GULP1: variants seen among roughly 807,000 people sequenced by gnomAD.
GULP1 encodes PTB domain-containing engulfment adapter protein 1.
In GULP1, 19 loss-of-function variants were observed where a neutral mutation model predicts 40.9. That is an observed-to-expected ratio of 0.46 (90% CI 0.32 to 0.68). GULP1 has a LOEUF of 0.68. GULP1 is among the 30% of genes least tolerant of loss of function. The pLI, the probability that GULP1 is intolerant of heterozygous loss-of-function variation, is 0.03. For synonymous variants in GULP1, 119 were observed against 117.6 expected, an observed-to-expected ratio of 1.01 and a Z score of -0.08; for missense variants, 312 against 362.2, an observed-to-expected ratio of 0.86 and a Z score of 1.12.
At chr2:188,469,431 G>C (rs2060404404) in intron 2 of GULP1, among the ~76,000 whole-genome samples, 1 of 152,124 alleles carries the variant, frequency 6.6e-6, no homozygotes, top group African/African-American at 2.4e-5. Context: ...ACCTGAAACT[G>C]GGTAAATTAT....
intron 1 of GULP1, among the ~76,000 whole-genome samples, chr2:188,298,927 C>A (rs111454694): frequency 6.6e-6 from 1 of 152,130 alleles, no homozygotes; most frequent in Non-Finnish European, 1.5e-5. Context: ...GTGCCTCTCA[C>A]GGATGGAGCA....
rs527872599 is a variant in GULP1 at position 188,482,531 on chromosome 2, T to C, written c.29-900T>C. Among the ~76,000 whole-genome samples the C allele has an allele frequency of 1.8e-4, 28 of 151,870 alleles. No homozygotes were observed. In the South Asian group the frequency reaches 5.6e-3, roughly 30 times the overall value. On this transcript the variant is annotated intron_variant, in intron 3 of 11. Transcript: ENST00000409830. Reference sequence around the variant, plus strand: ...AATGGAGGCAAAATATCATTGAAGATTGAGAAGTCTTACTCCACATAAGTG... The same window carrying C: ...AATGGAGGCAAAATATCATTGAAGACTGAGAAGTCTTACTCCACATAAGTG...
chr2:188,448,896 G>A (rs1357284510), intron 2 of GULP1, among the ~76,000 whole-genome samples: 1 of 152,168 alleles, frequency 6.6e-6, no homozygotes, highest in Admixed American at 6.5e-5. Flanking sequence ...CATGCAACAT[G>A]CCTGCTCCTG....
At position 188,590,275 on chromosome 2, in the gene GULP1, T is replaced by C. The variant is rs529189484; in HGVS notation, c.843+2326T>C. On this transcript the variant is annotated intron_variant, in intron 11 of 11. Transcript: ENST00000409830. Reference sequence around the variant, plus strand: ...AGGCATGAGCCACCATACTTGGCCATGATTGTTTCTTTTAGTCCAATATTT... The same window carrying C: ...AGGCATGAGCCACCATACTTGGCCACGATTGTTTCTTTTAGTCCAATATTT... 2.0e-5 allele frequency: 3 copies of C among 152,300 alleles called. No individual in the cohort carries two copies. In the East Asian group the frequency reaches 5.8e-4, roughly 29 times the overall value. 9.4% of individuals were successfully genotyped at this position (152,300 alleles called of 1,614,324 possible). A position where few individuals can be genotyped will look rare whatever the true frequency, so the allele number is the denominator to read the frequency against.
At chr2:188,322,998 C>G (rs2040216470) in intron 1 of GULP1, among the ~76,000 whole-genome samples, 2 of 152,188 alleles carry the variant, frequency 1.3e-5, no homozygotes, top group South Asian at 2.1e-4. Flanking sequence ...TCTCATTCCT[C>G]CCCCTACTTG....
chr2:188,498,735 G>A (rs2063139420), intron 4 of GULP1, among the ~76,000 whole-genome samples: 1 of 151,738 alleles, frequency 6.6e-6, no homozygotes, highest in African/African-American at 2.4e-5. Flanking sequence ...GATATTGAAT[G>A]TTCCCAACAC....
At chr2:188,326,513 C>T (rs1425693237) in intron 1 of GULP1, among the ~76,000 whole-genome samples, 1 of 152,042 alleles carries the variant, frequency 6.6e-6, no homozygotes, top group Non-Finnish European at 1.5e-5. Flanking sequence ...AGTAGCCCCC[C>T]AACAAATGAA....
At chr2:188,445,778 T>C (rs1293874397) in intron 2 of GULP1, among the ~76,000 whole-genome samples, 3 of 152,208 alleles carry the variant, frequency 2.0e-5, no homozygotes, top group African/African-American at 7.2e-5. Flanking sequence ...TATTCTGCTA[T>C]TTTCTTTCCA....
At chr2:188,591,251 G>C (rs1003555040) in intron 11 of GULP1, 3 of 152,012 alleles carry the variant, frequency 2.0e-5, no homozygotes, top group Non-Finnish European at 1.5e-5. Flanking sequence ...TAATCTAGCA[G>C]ATTATTTTTT....
intron 1 of GULP1, among the ~76,000 whole-genome samples, chr2:188,337,881 T>G (rs1387972884): frequency 6.6e-6 from 1 of 152,048 alleles, no homozygotes; most frequent in Non-Finnish European, 1.5e-5. Context: ...AGCCTTGAAC[T>G]TGAAAGGAAG....
At chr2:188,559,678 G>T (rs1695748830) in intron 7 of GULP1, among the ~76,000 whole-genome samples, 1 of 152,174 alleles carries the variant, frequency 6.6e-6, no homozygotes, top group Non-Finnish European at 1.5e-5. Context: ...TGTTGGAAAG[G>T]CATGATTGGC....
At chr2:188,574,499 C>T (rs1037782475) in intron 9 of GULP1, among the ~76,000 whole-genome samples, 2 of 152,080 alleles carry the variant, frequency 1.3e-5, no homozygotes, top group Admixed American at 6.6e-5. Context: ...TGGTGCATGC[C>T]TGTAGTCTCA....
chr2:188,324,900 A>G (rs910080601), intron 1 of GULP1, among the ~76,000 whole-genome samples: 10 of 152,052 alleles, frequency 6.6e-5, no homozygotes, highest in African/African-American at 2.4e-4. Flanking sequence ...ATCAAAACAC[A>G]GAAGTCAGAA....
intron 7 of GULP1, among the ~76,000 whole-genome samples, chr2:188,562,926 T>G (rs1172577124): frequency 6.6e-6 from 1 of 151,878 alleles, no homozygotes; most frequent in Non-Finnish European, 1.5e-5. Flanking sequence ...TAAAACACCC[T>G]TTATATAACT....
intron 2 of GULP1, among the ~76,000 whole-genome samples, chr2:188,408,256 T>C (rs1293503030): frequency 6.6e-6 from 1 of 152,170 alleles, no homozygotes; most frequent in African/African-American, 2.4e-5. Context: ...CACCATACTC[T>C]TGGACATCTC....
At chr2:188,326,813 G>A (rs1470291614) in intron 1 of GULP1, among the ~76,000 whole-genome samples, 10 of 152,062 alleles carry the variant, frequency 6.6e-5, no homozygotes, top group Non-Finnish European at 1.3e-4. Flanking sequence ...TCATACTGAT[G>A]ACACTCTTCC....
intron 2 of GULP1, among the ~76,000 whole-genome samples, chr2:188,467,032 T>C (rs2060185559): frequency 6.6e-6 from 1 of 151,838 alleles, no homozygotes; most frequent in Non-Finnish European, 1.5e-5. Context: ...TCAATATTCA[T>C]CCATCAATTA....
chr2:188,350,715 G>A (rs893604116), intron 1 of GULP1, among the ~76,000 whole-genome samples: 5 of 151,522 alleles, frequency 3.3e-5, no homozygotes, highest in African/African-American at 1.2e-4. Context: ...AAGTTTAATT[G>A]TAACAAATTT....
chr2:188,466,493 A>G (rs984440987), intron 2 of GULP1: 5 of 139,498 alleles, frequency 3.6e-5, no homozygotes, highest in Admixed American at 7.5e-5. Flanking sequence ...GGGTTTCACC[A>G]TGTTAACCAG....
Sources: gnomAD v4.1 joint callset for allele counts (sites outside exome capture counted in the v4.1 genomes callset) on GRCh38, gnomAD v4.1.1 for gene constraint, MANE v1.5 for transcripts, NCBI Gene and HGNC (gene_info 2026-07-23, HGNC 2026-07-21) for gene names.